USP48: variants seen among roughly 807,000 people sequenced by gnomAD.
USP48 encodes the protein ubiquitin carboxyl-terminal hydrolase 48.
Under a neutral mutation model 150.7 loss-of-function variants are expected in USP48, and 43 were observed. The observed-to-expected ratio is 0.29, with a 90% CI of 0.22 to 0.37. The LOEUF is 0.37. Among genes scored for constraint, USP48 ranks in the 10% least tolerant of loss-of-function variants. The pLI is 1.00. For synonymous variants in USP48, 396 were observed against 425.9 expected, an observed-to-expected ratio of 0.93 and a Z score of 0.86; for missense variants, 813 against 1,249.6, an observed-to-expected ratio of 0.65 and a Z score of 5.27.
rs570887406 is a variant in USP48, at chr1:21,723,850, G to T, written c.1648+48C>A. The T allele has an allele frequency of 1.3e-5, 20 of 1,531,512 alleles. 1 individual carries two copies. The South Asian group carries it at 2.2e-4, about 17-fold the overall frequency. The allele number at this position is 1,531,512 out of a possible 1,614,324, so 94.9% of individuals were successfully genotyped here. ...ACACTCATAAAGACCATAAGATGAA[G>T]ATTTAATGAGCTGCTCTTTTTTAAA... On this transcript the variant is annotated intron_variant, in intron 12 of 26. Coordinates refer to ENST00000308271, the MANE Select transcript of USP48 (RefSeq NM_032236.8).
chr1:21,704,122 A>G, intron 20 of USP48, 140 bp downstream of exon 20: 1 of 877,646 alleles, frequency 1.1e-6, no homozygotes, highest in Non-Finnish European at 1.7e-6. Flanking sequence ...AAATAATGGG[A>G]TGATTATAAT....
chr1:21,683,676 C>T (rs1481917770), intron 25 of USP48, among the ~76,000 whole-genome samples: 1 of 152,176 alleles, frequency 6.6e-6, no homozygotes, highest in Admixed American at 6.6e-5. Context: ...ATTGCATTAT[C>T]TTTTCTTCTA....
chr1:21,757,623 A>G (rs1213672193), intron 2 of USP48, 40 bp downstream of exon 2: 6 of 1,583,282 alleles, frequency 3.8e-6, no homozygotes, highest in Admixed American at 3.8e-5. Flanking sequence ...ACAAAAACAA[A>G]AAACAGCATA....
chr1:21,738,405 G>A (rs1557536495), intron 8 of USP48, among the ~76,000 whole-genome samples: 1 of 143,754 alleles, frequency 7.0e-6, no homozygotes, highest in Non-Finnish European at 1.5e-5. Context: ...GCCCAGGCCA[G>A]AGTGCAATGG....
At chr1:21,680,557 G>A (rs1310395747) in intron 26 of USP48, among the ~76,000 whole-genome samples, 3 of 152,168 alleles carry the variant, frequency 2.0e-5, no homozygotes, top group Admixed American at 2.0e-4. Flanking sequence ...AAATGAGAAA[G>A]GGAAGGCCAA....
chr1:21,748,658 C>G (rs1169111028), intron 6 of USP48, among the ~76,000 whole-genome samples: 1 of 152,238 alleles, frequency 6.6e-6, no homozygotes, highest in Non-Finnish European at 1.5e-5. Flanking sequence ...CGCCTGTAAT[C>G]CCAACACTTT....
chr1:21,690,698 T>C (rs1486728871), intron 23 of USP48, among the ~76,000 whole-genome samples: 1 of 152,008 alleles, frequency 6.6e-6, no homozygotes, highest in Non-Finnish European at 1.5e-5. Flanking sequence ...GGATTTTTTA[T>C]TTTTTATTTT....
chr1:21,688,716 G>A (rs868597675), intron 24 of USP48, among the ~76,000 whole-genome samples: 1 of 151,322 alleles, frequency 6.6e-6, no homozygotes, highest in South Asian at 2.1e-4. Flanking sequence ...GGTGGCACAC[G>A]CCTGTAATCC....
chr1:21,781,834 GAC>G (rs1363965493), intron 1 of USP48: 1 of 152,184 alleles, frequency 6.6e-6, no homozygotes, highest in African/African-American at 2.4e-5. Flanking sequence ...ATTATACACA[GAC>G]TTCAAACATT....
intron 22 of USP48, 32 bp downstream of exon 22, chr1:21,701,466 G>C (rs1201331419): frequency 6.3e-7 from 1 of 1,584,146 alleles, no homozygotes; most frequent in Non-Finnish European, 8.7e-7. Flanking sequence ...ACAGCAGAAA[G>C]TATAACAATG....
chr1:21,745,834 AC>A (rs2097793265), intron 8 of USP48, among the ~76,000 whole-genome samples: 1 of 152,226 alleles, frequency 6.6e-6, no homozygotes, highest in Admixed American at 6.5e-5. Context: ...AATTGCCTGA[AC>A]AAAGGAGGCA....
intron 1 of USP48, among the ~76,000 whole-genome samples, chr1:21,780,738 A>ATTTTTTT (rs34071636): frequency 8.5e-6 from 1 of 117,450 alleles, no homozygotes; most frequent in Non-Finnish European, 1.7e-5. Flanking sequence ...AGATAAGATA[A>ATTTTTTT]TTTTTTTTTT....
intron 14 of USP48, among the ~76,000 whole-genome samples, chr1:21,719,674 C>G (rs1402648025): frequency 6.6e-6 from 1 of 152,072 alleles, no homozygotes; most frequent in Non-Finnish European, 1.5e-5. Flanking sequence ...TCAAGACTAG[C>G]CTGGCCAACA....
At chr1:21,752,882 G>C in intron 4 of USP48, 110 bp downstream of exon 4, 1 of 1,384,916 alleles carries the variant, frequency 7.2e-7, no homozygotes, top group Non-Finnish European at 9.5e-7. Context: ...ATTCAAAATA[G>C]AAAAAATTTA....
Position 21,695,134 on chromosome 1 carries a change from T to C in USP48, c.2815A>G (p.Arg939Gly). 1 of 1,613,786 alleles carries C rather than the reference T, an allele frequency of 6.2e-7. No individual in the cohort carries two copies. Among genetic ancestry groups the C allele is most frequent in the Non-Finnish European group, 8.5e-7 (1 of 1,179,912 alleles). ...KQVIRRSMRH[R>G]KVRGEKALLV... ...AGTGCTTTCTCACCACGAACTTTTC[T>C]ATGTCGCATACTTCGGCGAATAACT... Residue 939 changes from arginine to glycine, a missense_variant, in exon 23 of 27, where the codon AGA (arginine) becomes GGA (glycine). Transcript: ENST00000308271.
At chr1:21,773,360 G>A (rs1327405098) in intron 1 of USP48, among the ~76,000 whole-genome samples, 3 of 151,260 alleles carry the variant, frequency 2.0e-5, no homozygotes, top group Middle Eastern at 3.2e-3. Flanking sequence ...AAATACAAAT[G>A]GCAAGTAAAT....
In USP48 at chr1:21,770,674, G is replaced by T. The variant is rs565087016; in HGVS notation, c.134+12150C>A. 2.6e-5 allele frequency among the ~76,000 whole-genome samples: 4 copies of T among 151,164 alleles called. No individual in the cohort carries two copies. In the East Asian group the frequency reaches 8.0e-4, roughly 30 times the overall value. On this transcript the variant is annotated intron_variant, in intron 1 of 26. Transcript: ENST00000308271. ...TTTTTGTATTTTTAGTACAGACAGGGTTTCACCATATTGGCCAGACTGGTC... is the reference window on the plus strand; with the variant it reads ...TTTTTGTATTTTTAGTACAGACAGGTTTTCACCATATTGGCCAGACTGGTC...
At chr1:21,733,750 C>G (rs1256233579) in intron 9 of USP48, among the ~76,000 whole-genome samples, 1 of 151,508 alleles carries the variant, frequency 6.6e-6, no homozygotes, top group Admixed American at 6.6e-5. Flanking sequence ...AAAAAACAGT[C>G]AAATAAAACC....
chr1:21,746,859 C>T (rs1255137663), intron 8 of USP48, among the ~76,000 whole-genome samples: 3 of 152,042 alleles, frequency 2.0e-5, no homozygotes, highest in Non-Finnish European at 4.4e-5. Flanking sequence ...ATCGATGAAC[C>T]ACCTCATCTT....
Sources: allele counts gnomAD v4.1 joint callset (sites outside exome capture counted in the v4.1 genomes callset), GRCh38; gene constraint gnomAD v4.1.1; transcripts MANE v1.5; gene names NCBI Gene and HGNC (gene_info 2026-07-23, HGNC 2026-07-21).